The following CDH20 variants were observed in gnomAD, a reference collection of about 807,000 sequenced individuals.
CDH20 encodes cadherin 20.
CDH20 carries 29 observed loss-of-function variants against 74.2 expected under a neutral mutation model. The observed-to-expected ratio is 0.39, with a 90% CI of 0.29 to 0.53. The LOEUF is 0.53. Ranked by LOEUF, CDH20 falls within the 20% of genes least tolerant of loss-of-function variation. The pLI, the probability that CDH20 is intolerant of heterozygous loss-of-function variation, is 0.69. For missense variants in CDH20, 988 were observed against 1,048.3 expected, an observed-to-expected ratio of 0.94 and a Z score of 0.79; for synonymous variants, 469 against 405.4, an observed-to-expected ratio of 1.16 and a Z score of -1.88.
intron 1 of CDH20, among the ~76,000 whole-genome samples, chr18:61,378,145 A>G (rs1911308201): frequency 6.6e-6 from 1 of 152,192 alleles, no homozygotes; most frequent in African/African-American, 2.4e-5. Flanking sequence ...AGCAGATTAA[A>G]TACTTGTATG....
chr18:61,500,514 A>G lies in CDH20; in HGVS notation c.661+12A>G. 1 of 1,603,814 alleles carries G rather than the reference A, an allele frequency of 6.2e-7. No homozygotes were observed. The highest frequency in any genetic ancestry group is 8.5e-7 in the Non-Finnish European group (1 of 1,173,794). Reference sequence around the variant, plus strand: ...GGACTCTAAAACAGGTATCTGATACAAGGGTCGAGTCAGAGGTGTTTATTC... The same window carrying G: ...GGACTCTAAAACAGGTATCTGATACGAGGGTCGAGTCAGAGGTGTTTATTC... On this transcript the variant is annotated intron_variant, in intron 4 of 11. Transcript: ENST00000262717.
At chr18:61,354,738 A>G (rs1423744126) in intron 1 of CDH20, among the ~76,000 whole-genome samples, 3 of 151,974 alleles carry the variant, frequency 2.0e-5, no homozygotes, top group Non-Finnish European at 2.9e-5. Context: ...CCTAACATAT[A>G]TTGATATTAT....
At chr18:61,494,731 G>C (rs536760238) in intron 2 of CDH20, among the ~76,000 whole-genome samples, 1 of 152,228 alleles carries the variant, frequency 6.6e-6, no homozygotes, top group East Asian at 1.9e-4. Flanking sequence ...GCTTTCCAGG[G>C]ACAAGGCAGT....
chr18:61,479,706 A>G (rs1018525600), intron 1 of CDH20, among the ~76,000 whole-genome samples: 1 of 152,018 alleles, frequency 6.6e-6, no homozygotes, highest in Non-Finnish European at 1.5e-5. Flanking sequence ...GTGCCTATCA[A>G]TAATTTATCC....
chr18:61,533,837 TGTGG>T (rs1912731318), intron 7 of CDH20, among the ~76,000 whole-genome samples: 1 of 152,196 alleles, frequency 6.6e-6, no homozygotes, highest in Non-Finnish European at 1.5e-5. Context: ...TTCTTCTGCA[TGTGG>T]GTATCTAGTT....
Position 61,452,866 on chromosome 18 carries a change from G to A in CDH20, c.-152-37536G>A, listed in dbSNP as rs532068674. On this transcript the variant is annotated intron_variant, in intron 1 of 11. Coordinates refer to ENST00000262717, the MANE Select transcript of CDH20 (RefSeq NM_031891.4). ...GATATTTTTATTGCACTAATAATTC[G>A]TGAATATCTGATCATTTTAAAAAAT... Among the ~76,000 whole-genome samples the A allele has an allele frequency of 2.0e-5, 3 of 152,124 alleles. No homozygotes were observed. In the South Asian group the frequency reaches 6.2e-4, roughly 32 times the overall value.
Position 61,423,371 on chromosome 18 carries a change from G to A in CDH20, c.-152-67031G>A, listed in dbSNP as rs371534683. The stretch of plus-strand genomic sequence containing the variant: ...TGCTTGAGCTCCTCTAAGTGTGTCT[G>A]AGGACTCATGCCTTCTTGTAAAGAA... On this transcript the variant is annotated intron_variant, in intron 1 of 11. Coordinates refer to ENST00000262717, the MANE Select transcript of CDH20 (RefSeq NM_031891.4). Among the ~76,000 whole-genome samples, 12 of 147,362 alleles carry A rather than the reference G, an allele frequency of 8.1e-5. No individual in the cohort carries two copies. In the East Asian group the frequency reaches 2.3e-3, roughly 29 times the overall value.
At chr18:61,499,527 T>TAGAC in intron 3 of CDH20, 47 bp downstream of exon 3, 1 of 1,209,830 alleles carries the variant, frequency 8.3e-7, no homozygotes, top group Non-Finnish European at 1.2e-6. Context: ...CTCCTATATA[T>TAGAC]ATACACACAC....
At chr18:61,368,981 A>T (rs1351690150) in intron 1 of CDH20, among the ~76,000 whole-genome samples, 1 of 152,058 alleles carries the variant, frequency 6.6e-6, no homozygotes, top group Non-Finnish European at 1.5e-5. Flanking sequence ...CTAGTTTCTG[A>T]TAAATGATAT....
intron 1 of CDH20, among the ~76,000 whole-genome samples, chr18:61,357,145 C>G (rs1910521516): frequency 6.6e-6 from 1 of 152,202 alleles, no homozygotes; most frequent in African/African-American, 2.4e-5. Context: ...TTACACCAAG[C>G]AGCCAGAATA....
intron 1 of CDH20, among the ~76,000 whole-genome samples, chr18:61,478,609 T>G (rs1050791080): frequency 8.5e-5 from 13 of 152,206 alleles, no homozygotes; most frequent in Admixed American, 7.9e-4. Context: ...ATGTTGTAAT[T>G]GTTCCCATTT....
intron 1 of CDH20, among the ~76,000 whole-genome samples, chr18:61,364,085 T>G (rs1910784040): frequency 6.6e-6 from 1 of 152,202 alleles, no homozygotes; most frequent in East Asian, 1.9e-4. Flanking sequence ...TTAAATTTAT[T>G]ATAACTCCCT....
chr18:61,515,063 T>G (rs1418298586), intron 6 of CDH20, among the ~76,000 whole-genome samples: 2 of 152,124 alleles, frequency 1.3e-5, no homozygotes, highest in African/African-American at 4.8e-5. Flanking sequence ...GTTTACCTAA[T>G]CAAGCCTGGG....
intron 1 of CDH20, among the ~76,000 whole-genome samples, chr18:61,443,436 A>T (rs912353387): frequency 1.3e-5 from 2 of 152,184 alleles, no homozygotes; most frequent in Non-Finnish European, 2.9e-5. Flanking sequence ...TAAAATATTT[A>T]TATTTTCAAG....
intron 1 of CDH20, among the ~76,000 whole-genome samples, chr18:61,453,957 C>T (rs1413158117): frequency 2.6e-5 from 4 of 152,158 alleles, no homozygotes; most frequent in Non-Finnish European, 5.9e-5. Flanking sequence ...CCTCCACTTC[C>T]TCACCAGCAT....
chr18:61,362,464 T>A (rs1910724810), intron 1 of CDH20, among the ~76,000 whole-genome samples: 1 of 152,152 alleles, frequency 6.6e-6, no homozygotes, highest in South Asian at 2.1e-4. Flanking sequence ...CACCAAGGGC[T>A]CTCCTCAGAA....
At chr18:61,469,314 C>G (rs1254768822) in intron 1 of CDH20, among the ~76,000 whole-genome samples, 1 of 151,898 alleles carries the variant, frequency 6.6e-6, no homozygotes, top group African/African-American at 2.4e-5. Context: ...TACTTCCAGT[C>G]ACTTTGAAAG....
chr18:61,440,327 A>C (rs1908986647), intron 1 of CDH20, among the ~76,000 whole-genome samples: 1 of 152,136 alleles, frequency 6.6e-6, no homozygotes, highest in African/African-American at 2.4e-5. Context: ...ACAGTCCTGG[A>C]CCCTACCCAC....
At position 61,351,505 on chromosome 18, in the gene CDH20, T is replaced by C. The variant is rs551432293; in HGVS notation, c.-153+17678T>C. ...AAAGAATTACATTTGATTATCAATA[T>C]AAAACATTTTGTACCTTGCCTAGTG... On this transcript the variant is annotated intron_variant, in intron 1 of 11. Transcript: ENST00000262717. 1.2e-3 allele frequency among the ~76,000 whole-genome samples: 177 copies of C among 152,310 alleles called. 1 individual carries two copies. The highest frequency in any genetic ancestry group is 4.0e-3 in the African/African-American group (168 of 41,570).
Sources: allele counts gnomAD v4.1 joint callset (sites outside exome capture counted in the v4.1 genomes callset), GRCh38; gene constraint gnomAD v4.1.1; transcripts MANE v1.5; gene names NCBI Gene and HGNC (gene_info 2026-07-23, HGNC 2026-07-21).